Variants in PXYLP1 observed in about 807,000 individuals in gnomAD.
The protein encoded by PXYLP1 is 2-phosphoxylose phosphatase 1.
A neutral mutation model predicts 37.9 loss-of-function variants in PXYLP1; 17 were observed. The ratio of observed to expected loss-of-function variants is 0.45; its 90% CI spans 0.31 to 0.67. PXYLP1 has a LOEUF of 0.67. Among genes scored for constraint, PXYLP1 ranks in the 30% least tolerant of loss-of-function variants. The pLI is 0.07. For synonymous variants in PXYLP1, 221 were observed against 232.2 expected (o/e 0.95, Z 0.44); for missense variants, 511 against 612.0 (o/e 0.84, Z 1.74).
intron 2 of PXYLP1, among the ~76,000 whole-genome samples, chr3:141,271,243 C>T (rs1941655614): frequency 6.6e-6 from 1 of 152,088 alleles, no homozygotes. Flanking sequence ...GGTAACAGAG[C>T]CAGGACATGA....
At chr3:141,246,376 G>T (rs1288827271) in intron 1 of PXYLP1, among the ~76,000 whole-genome samples, 1 of 152,192 alleles carries the variant, frequency 6.6e-6, no homozygotes, top group Non-Finnish European at 1.5e-5. Flanking sequence ...ATAATGAATA[G>T]TGCTGAGAAG....
intron 1 of PXYLP1, among the ~76,000 whole-genome samples, chr3:141,259,536 A>T (rs895495612): frequency 1.3e-5 from 2 of 152,180 alleles, no homozygotes; most frequent in African/African-American, 4.8e-5. Flanking sequence ...CAGCTGAAAC[A>T]GGCTTAGTGG....
At chr3:141,250,511 G>T (rs1418664384) in intron 1 of PXYLP1, among the ~76,000 whole-genome samples, 1 of 152,206 alleles carries the variant, frequency 6.6e-6, no homozygotes, top group Admixed American at 6.5e-5. Flanking sequence ...CCCAGTCGTT[G>T]TATCCATTCC....
intron 1 of PXYLP1, among the ~76,000 whole-genome samples, chr3:141,244,618 CTTTTGT>C (rs1472509062): frequency 1.4e-5 from 2 of 148,142 alleles, no homozygotes; most frequent in Non-Finnish European, 3.0e-5. Context: ...TGTTTTCTGT[CTTTTGT>C]TTTTAACTTG....
intron 5 of PXYLP1, among the ~76,000 whole-genome samples, chr3:141,290,369 T>C (rs1188398151): frequency 6.6e-6 from 1 of 152,170 alleles, no homozygotes; most frequent in Non-Finnish European, 1.5e-5. Flanking sequence ...TCCCAGTGGC[T>C]GGTGGTGAAT....
At chr3:141,274,584 A>G in intron 2 of PXYLP1, 1 of 946,714 alleles carries the variant, frequency 1.1e-6, no homozygotes, top group Non-Finnish European at 1.6e-6. Flanking sequence ...GAGATATTTC[A>G]TCAAAAGCAT....
chr3:141,249,107 A>G (rs1941082394), intron 1 of PXYLP1, among the ~76,000 whole-genome samples: 1 of 151,864 alleles, frequency 6.6e-6, no homozygotes, highest in Non-Finnish European at 1.5e-5. Flanking sequence ...TAAGTGAGAC[A>G]GCCGTGTTCT....
At chr3:141,274,137 C>T in intron 2 of PXYLP1, 1 of 1,013,170 alleles carries the variant, frequency 9.9e-7, no homozygotes, top group Non-Finnish European at 1.2e-6. Flanking sequence ...GGAGCAGTGT[C>T]CTGGAGCAGT....
intron 3 of PXYLP1, 45 bp downstream of exon 3, chr3:141,278,545 A>AT: frequency 6.2e-7 from 1 of 1,606,082 alleles, no homozygotes; most frequent in Non-Finnish European, 8.5e-7. Context: ...TTTGGGGACT[A>AT]GTTATTCCAG....
chr3:141,257,459 G>A (rs558979522), intron 1 of PXYLP1, among the ~76,000 whole-genome samples: 90 of 152,304 alleles, frequency 5.9e-4, no homozygotes, highest in African/African-American at 1.8e-3. Context: ...GGAAAAGACC[G>A]GGTAAGCCCA....
intron 1 of PXYLP1, among the ~76,000 whole-genome samples, chr3:141,246,028 G>C (rs1392030871): frequency 6.6e-6 from 1 of 152,196 alleles, no homozygotes. Context: ...TTCTTCCCCC[G>C]ACTGACCGAC....
intron 4 of PXYLP1, among the ~76,000 whole-genome samples, chr3:141,285,589 C>T (rs2148831290): frequency 6.6e-6 from 1 of 152,276 alleles, no homozygotes; most frequent in East Asian, 1.9e-4. Context: ...CAGTCAGATG[C>T]CCTGAAAACC....
Position 141,258,121 on chromosome 3 carries a change from A to G in PXYLP1, c.-53-2002A>G, listed in dbSNP as rs1483742268. ...GCCCTCGCCTCCCACATGCAAACGC[A>G]GGGCAACCAGCAGGCAGGTCGGCCT... On this transcript the variant is annotated intron_variant, in intron 1 of 5. Coordinates refer to ENST00000286353, the MANE Select transcript of PXYLP1 (RefSeq NM_001037172.3). Among the ~76,000 whole-genome samples the G allele has an allele frequency of 5.3e-5, 8 of 152,140 alleles. No individual in the cohort carries two copies. The South Asian group carries it at 1.4e-3, about 28-fold the overall frequency.
At chr3:141,259,932 C>T (rs865816490) in intron 1 of PXYLP1, among the ~76,000 whole-genome samples, 191 bp from the exon 2 acceptor site, 4 of 152,182 alleles carry the variant, frequency 2.6e-5, no homozygotes, top group African/African-American at 7.2e-5. Context: ...GGAGCATTCT[C>T]GCTTGGGCTT....
At chr3:141,269,803 G>C (rs889219753) in intron 2 of PXYLP1, among the ~76,000 whole-genome samples, 4 of 152,186 alleles carry the variant, frequency 2.6e-5, no homozygotes, top group African/African-American at 9.7e-5. Context: ...TTTCTGTCTT[G>C]AGTGTGTGGT....
intron 1 of PXYLP1, among the ~76,000 whole-genome samples, chr3:141,241,948 G>A (rs576537096): frequency 1.3e-5 from 2 of 152,268 alleles, no homozygotes; most frequent in South Asian, 2.1e-4. Flanking sequence ...TCCTTTGCCC[G>A]GGCATTACTC....
At chr3:141,253,679 C>A (rs55694384) in intron 1 of PXYLP1, among the ~76,000 whole-genome samples, 28,857 of 136,276 alleles carry the variant, frequency 0.21, 3,485 homozygotes, top group African/African-American at 0.36. Context: ...AAAAAAACTT[C>A]TTGAAACTTT....
intron 2 of PXYLP1, among the ~76,000 whole-genome samples, chr3:141,268,395 G>T (rs1039758095): frequency 6.6e-6 from 1 of 152,214 alleles, no homozygotes; most frequent in African/African-American, 2.4e-5. Context: ...TTATGTGGCT[G>T]TACCCACTGC....
intron 1 of PXYLP1, among the ~76,000 whole-genome samples, chr3:141,254,732 GC>G (rs1401368713): frequency 1.3e-5 from 2 of 151,376 alleles, no homozygotes; most frequent in African/African-American, 2.4e-5. Flanking sequence ...TAATTGTAAT[GC>G]TGTATTTACT....
Sources: allele counts gnomAD v4.1 joint callset (sites outside exome capture counted in the v4.1 genomes callset), GRCh38; gene constraint gnomAD v4.1.1; transcripts MANE v1.5; gene names NCBI Gene and HGNC (gene_info 2026-07-23, HGNC 2026-07-21).